The following PTBP3 variants were observed in gnomAD, a reference collection of about 807,000 sequenced individuals.
PTBP3 encodes the protein polypyrimidine tract-binding protein 3.
Under a neutral mutation model 58.7 loss-of-function variants are expected in PTBP3, and 20 were observed. The ratio of observed to expected loss-of-function variants is 0.34; its 90% CI spans 0.24 to 0.50. PTBP3 has a LOEUF of 0.50. PTBP3 is among the 20% of genes least tolerant of loss of function. The pLI is 0.98. For missense variants in PTBP3, 509 were observed against 637.2 expected, an observed-to-expected ratio of 0.80 and a Z score of 2.17; for synonymous variants, 185 against 219.8, an observed-to-expected ratio of 0.84 and a Z score of 1.40.
intron 2 of PTBP3, among the ~76,000 whole-genome samples, chr9:112,285,537 A>C (rs557641783): frequency 6.6e-6 from 1 of 152,256 alleles, no homozygotes; most frequent in East Asian, 1.9e-4. Flanking sequence ...TATATTAGGG[A>C]TCTACCAACT....
chr9:112,357,443 C>T, the PTBP3 span, among the ~76,000 whole-genome samples: 1 of 152,088 alleles, frequency 6.6e-6, no homozygotes, highest in Non-Finnish European at 1.5e-5. Context: ...CTCGACCTTC[C>T]TGGGCTCAGT....
Position 112,223,595 on chromosome 9 carries a change from AT to A in PTBP3, c.*255del, listed in dbSNP as rs1043078558. ...TAGGGAATAAGATTATTGAAAAAAA[AT>A]TTTTTTCCTGATTTTCTTTTTCCTG... is the stretch of plus-strand genomic sequence containing the variant. On this transcript the variant is annotated 3_prime_UTR_variant, in exon 14 of 14. Coordinates refer to ENST00000374257, the MANE Select transcript of PTBP3 (RefSeq NM_001163788.4). 1.7e-6 allele frequency: 2 copies of A among 1,157,090 alleles called. No individual in the cohort carries two copies. The highest frequency in any genetic ancestry group is 2.2e-6 in the Non-Finnish European group (2 of 925,216). 71.7% of individuals were successfully genotyped at this position (1,157,090 alleles called of 1,614,324 possible). A position where few individuals can be genotyped will look rare whatever the true frequency, so the allele number is the denominator to read the frequency against.
At chr9:112,364,095 G>A in the PTBP3 span, among the ~76,000 whole-genome samples, 1 of 148,880 alleles carries the variant, frequency 6.7e-6, no homozygotes, top group Non-Finnish European at 1.5e-5. Flanking sequence ...CATACAGTGT[G>A]TACCCTTTCC....
intron 2 of PTBP3, among the ~76,000 whole-genome samples, chr9:112,280,102 C>T (rs866453214): frequency 2.0e-5 from 3 of 152,122 alleles, no homozygotes; most frequent in Non-Finnish European, 2.9e-5. Flanking sequence ...CTCTGTCACC[C>T]AGGCTGGAGT....
At chr9:112,332,703 T>G (rs1288828884) in intron 1 of PTBP3, 4 of 1,534,336 alleles carry the variant, frequency 2.6e-6, no homozygotes, top group South Asian at 2.4e-5. Flanking sequence ...TAAATCTTTT[T>G]ATTTTGGTCA....
At chr9:112,285,070 A>G (rs970586212) in intron 2 of PTBP3, among the ~76,000 whole-genome samples, 1 of 151,856 alleles carries the variant, frequency 6.6e-6, no homozygotes, top group Non-Finnish European at 1.5e-5. Flanking sequence ...ATATGGTTTC[A>G]CTCTGTGTTT....
chr9:112,354,844 G>A, the PTBP3 span, among the ~76,000 whole-genome samples: 2 of 152,134 alleles, frequency 1.3e-5, no homozygotes, highest in South Asian at 2.1e-4. Context: ...AGCTGACATT[G>A]TTCTGCAAAA....
chr9:112,222,789 A>G lies in PTBP3; in HGVS notation c.*1062T>C, dbSNP rs1747299236. 1.1e-6 allele frequency: 1 copy of G among 922,606 alleles called. No individual in the cohort carries two copies. The highest frequency in any genetic ancestry group is 1.3e-6 in the Non-Finnish European group (1 of 772,422). The allele number at this position is 922,606 out of a possible 1,614,324, so 57.2% of individuals were successfully genotyped here. On this transcript the variant is annotated 3_prime_UTR_variant, in exon 14 of 14. Coordinates refer to ENST00000374257, the MANE Select transcript of PTBP3 (RefSeq NM_001163788.4). ...CTCTAACCTATTGTATCTTAAGCACATAATAAGGCACATAATAAGAAATTA... is the reference window on the plus strand; with the variant it reads ...CTCTAACCTATTGTATCTTAAGCACGTAATAAGGCACATAATAAGAAATTA...
chr9:112,236,622 C>T (rs548809989), intron 7 of PTBP3, among the ~76,000 whole-genome samples: 1 of 152,286 alleles, frequency 6.6e-6, no homozygotes, highest in East Asian at 1.9e-4. Flanking sequence ...CACTTGCCCC[C>T]TTCTATATAA....
intron 2 of PTBP3, among the ~76,000 whole-genome samples, chr9:112,296,461 T>G (rs1828693384): frequency 6.6e-6 from 1 of 152,158 alleles, no homozygotes; most frequent in Admixed American, 6.6e-5. Context: ...ACTTGTTCAC[T>G]TTCCCGAACA....
At position 112,250,945 on chromosome 9, in the gene PTBP3, A is replaced by AGG. The variant is rs1267251181; in HGVS notation, c.784_785dup (p.Met263LeufsTer11). On this transcript the variant is annotated frameshift_variant, in exon 7 of 14. Coordinates refer to ENST00000374257, the MANE Select transcript of PTBP3 (RefSeq NM_001163788.4). LOFTEE classifies it high-confidence loss of function. ...ACTACTCACCAAAAGCAGCAGCCAT[A>AGG]GGGGGTTCAAGGGATGGCTGGCCAT... 1 of 1,600,078 alleles carries AGG rather than the reference A, an allele frequency of 6.2e-7. No individual in the cohort carries two copies.
the PTBP3 span, among the ~76,000 whole-genome samples, chr9:112,361,379 G>A: frequency 6.6e-6 from 1 of 152,150 alleles, no homozygotes; most frequent in Non-Finnish European, 1.5e-5. Flanking sequence ...GATTACAGGT[G>A]TAAGCCATGG....
At chr9:112,269,690 T>A (rs1323447213) in intron 3 of PTBP3, among the ~76,000 whole-genome samples, 1 of 152,192 alleles carries the variant, frequency 6.6e-6, no homozygotes, top group Non-Finnish European at 1.5e-5. Flanking sequence ...TTTGAGATCA[T>A]TTTTAATTCC....
chr9:112,252,483 A>G (rs1179815122), intron 6 of PTBP3, 195 bp downstream of exon 6: 6 of 556,678 alleles, frequency 1.1e-5, no homozygotes, highest in Non-Finnish European at 1.9e-5. Context: ...GAGATTTGAG[A>G]CCGTTTCATA....
At chr9:112,302,582 C>CTTTTTTTTTTTTTTTTTTTTTTTTTTT (rs369208342) in intron 1 of PTBP3, among the ~76,000 whole-genome samples, 6 of 110,494 alleles carry the variant, frequency 5.4e-5, no homozygotes, top group African/African-American at 1.9e-4. Flanking sequence ...TATTCTTCAT[C>CTTTTTTTTTTTTTTTTTTTTTTTTTTT]TTTTTTTTTT....
At chr9:112,351,673 A>T in the PTBP3 span, among the ~76,000 whole-genome samples, 1 of 152,170 alleles carries the variant, frequency 6.6e-6, no homozygotes, top group Non-Finnish European at 1.5e-5. Context: ...TCATTTAATT[A>T]TATCAGTATG....
intron 1 of PTBP3, among the ~76,000 whole-genome samples, chr9:112,326,116 C>CAA (rs1830146398): frequency 6.6e-6 from 1 of 152,088 alleles, no homozygotes; most frequent in African/African-American, 2.4e-5. Flanking sequence ...TTCTAGACTG[C>CAA]GTGTTCTATT....
At chr9:112,346,270 C>T in the PTBP3 span, among the ~76,000 whole-genome samples, 3 of 151,806 alleles carry the variant, frequency 2.0e-5, no homozygotes, top group East Asian at 5.9e-4. Flanking sequence ...TGGGTTCAAG[C>T]GATTCTCCTG....
the PTBP3 span, among the ~76,000 whole-genome samples, chr9:112,365,727 C>T: frequency 0.24 from 36,923 of 151,940 alleles, 4,903 homozygotes; most frequent in East Asian, 0.36. Context: ...CAGAAGAAGA[C>T]AGGAAAACGT....
Sources: gnomAD v4.1 joint callset for allele counts (sites outside exome capture counted in the v4.1 genomes callset) on GRCh38, gnomAD v4.1.1 for gene constraint, MANE v1.5 for transcripts, NCBI Gene and HGNC (gene_info 2026-07-23, HGNC 2026-07-21) for gene names.